RBKS: variants seen among roughly 807,000 people sequenced by gnomAD.
The protein encoded by RBKS is ribokinase.
A neutral mutation model predicts 33.9 loss-of-function variants in RBKS; 33 were observed. The ratio of observed to expected loss-of-function variants is 0.97; its 90% CI spans 0.74 to 1.30. The LOEUF is 1.30. RBKS is among the 50% of genes most tolerant of loss of function. RBKS has a pLI of 0.00. For missense variants in RBKS, 361 were observed against 392.6 expected (o/e 0.92, Z 0.68); for synonymous variants, 125 against 143.0 (o/e 0.87, Z 0.90).
chr2:27,863,174 A>G (rs1380204241), intron 1 of RBKS, among the ~76,000 whole-genome samples: 1 of 152,230 alleles, frequency 6.6e-6, no homozygotes, highest in Non-Finnish European at 1.5e-5. Context: ...ACCATGCCTA[A>G]GAAATATATT....
At chr2:27,861,667 G>T (rs1037176159) in intron 1 of RBKS, 4 of 431,780 alleles carry the variant, frequency 9.3e-6, no homozygotes, top group Non-Finnish European at 1.4e-5. Flanking sequence ...TCTTTTTGGG[G>T]GGGGGGTGGA....
In RBKS at chr2:27,781,472, T is replaced by C. The variant is rs1677281165; in HGVS notation, c.*143A>G. 1.6e-6 allele frequency: 1 copy of C among 631,052 alleles called. No homozygotes were observed. Among genetic ancestry groups the C allele is most frequent in the Non-Finnish European group, 2.7e-6 (1 of 376,782 alleles). The allele number at this position is 631,052 out of a possible 1,614,324, so 39.1% of individuals were successfully genotyped here. ...CAAAAGAATCATCGTTATAAATAAA[T>C]TGAAGCTTGAGGATGACTTCGTAAA... On this transcript the variant is annotated 3_prime_UTR_variant, in exon 8 of 8. Coordinates refer to ENST00000302188, the MANE Select transcript of RBKS (RefSeq NM_022128.3).
chr2:27,881,062 C>CAAA (rs764057381), intron 1 of RBKS, among the ~76,000 whole-genome samples: 2,065 of 151,402 alleles, frequency 0.014, 32 homozygotes, highest in African/African-American at 0.044. Context: ...AACCAACCAA[C>CAAA]CAACAAACAA....
chr2:27,883,912 AATG>A (rs1664472274), intron 1 of RBKS, among the ~76,000 whole-genome samples: 1 of 152,162 alleles, frequency 6.6e-6, no homozygotes, highest in African/African-American at 2.4e-5. Flanking sequence ...ATTTCCCATG[AATG>A]ATTACTTTTG....
chr2:27,791,237 T>C (rs1047294317), intron 7 of RBKS, among the ~76,000 whole-genome samples: 2 of 152,218 alleles, frequency 1.3e-5, no homozygotes, highest in African/African-American at 4.8e-5. Flanking sequence ...CTAGGTTGAA[T>C]GATGCCCACA....
chr2:27,804,894 G>C (rs540423826), intron 7 of RBKS, among the ~76,000 whole-genome samples: 1 of 152,164 alleles, frequency 6.6e-6, no homozygotes, highest in Admixed American at 6.5e-5. Context: ...AGGTGTGGTG[G>C]TGCACACCTG....
chr2:27,857,422 G>C (rs1462353369), intron 2 of RBKS, among the ~76,000 whole-genome samples: 2 of 152,122 alleles, frequency 1.3e-5, no homozygotes, highest in Non-Finnish European at 1.5e-5. Context: ...TCGGTAGCAT[G>C]GATAAAAATA....
At position 27,810,671 on chromosome 2, in the gene RBKS, A is replaced by C. The variant is rs12474906; in HGVS notation, c.795+16896T>G. Reference sequence around the variant, plus strand: ...AAATAACCATCTTAGTTATCGCCCCACTGCCCCCACTTTTTTTAAGGAAAT... The same window carrying C: ...AAATAACCATCTTAGTTATCGCCCCCCTGCCCCCACTTTTTTTAAGGAAAT... On this transcript the variant is annotated intron_variant, in intron 7 of 7. Transcript: ENST00000302188. The surrounding 1 kb of genome is among the most constrained non-coding windows in gnomAD (Gnocchi z 4.4). 0.32 allele frequency among the ~76,000 whole-genome samples: 48,380 copies of C among 151,782 alleles called. 9,627 individuals are homozygous for C. Among genetic ancestry groups the C allele is most frequent in the East Asian group, 0.62 (3,175 of 5,132 alleles).
intron 1 of RBKS, among the ~76,000 whole-genome samples, chr2:27,862,530 C>G (rs1489109041): frequency 6.6e-6 from 1 of 152,180 alleles, no homozygotes; most frequent in African/African-American, 2.4e-5. Flanking sequence ...GCAGGTGTCA[C>G]CTAACAGAGC....
At chr2:27,782,013 C>A (rs192432916) in intron 7 of RBKS, among the ~76,000 whole-genome samples, 330 of 152,226 alleles carry the variant, frequency 2.2e-3, no homozygotes, top group Non-Finnish European at 3.6e-3. Context: ...GAACTTCATA[C>A]TTTTTTCAGA....
intron 7 of RBKS, among the ~76,000 whole-genome samples, chr2:27,789,925 GTATATATATATATATGTATA>G (rs1677481283): frequency 7.7e-6 from 1 of 130,624 alleles, no homozygotes; most frequent in Non-Finnish European, 1.6e-5. Context: ...GTTTGTGTGT[GTATATATATATATATGTATA>G]TGTGTATATA....
At chr2:27,789,019 ATGACC>A in intron 7 of RBKS, among the ~76,000 whole-genome samples, 1 of 152,352 alleles carries the variant, frequency 6.6e-6, no homozygotes, top group Non-Finnish European at 1.5e-5. Flanking sequence ...GTAAATGGAA[ATGACC>A]TAGAATAGCC....
Position 27,847,180 on chromosome 2 carries a change from A to C in RBKS, c.287-76T>G, listed in dbSNP as rs527846655. On this transcript the variant is annotated intron_variant, in intron 3 of 7. Transcript: ENST00000302188. ...AATTTATTTTAACAATTTCAATACA[A>C]CACTAATCCTTGGAAAACCTTTTTA... The C allele has an allele frequency of 3.6e-6, 3 of 835,772 alleles. No individual in the cohort carries two copies. In the East Asian group the frequency reaches 7.3e-5, roughly 20 times the overall value. 51.8% of individuals were successfully genotyped at this position (835,772 alleles called of 1,614,324 possible). A position where few individuals can be genotyped will look rare whatever the true frequency, so the allele number is the denominator to read the frequency against.
intron 7 of RBKS, among the ~76,000 whole-genome samples, chr2:27,789,498 A>AAGC (rs1402031221): frequency 1.3e-5 from 2 of 150,588 alleles, no homozygotes; most frequent in Non-Finnish European, 2.9e-5. Flanking sequence ...TCCTGGGTTC[A>AAGC]AGCAATCCTC....
At chr2:27,877,648 C>T (rs1360269960) in intron 1 of RBKS, among the ~76,000 whole-genome samples, 1 of 152,106 alleles carries the variant, frequency 6.6e-6, no homozygotes, top group African/African-American at 2.4e-5. Context: ...AAGGACTCTA[C>T]CTTCTAGGTC....
intron 5 of RBKS, among the ~76,000 whole-genome samples, chr2:27,840,020 C>CT (rs57069432): frequency 0.011 from 1,483 of 136,660 alleles, 14 homozygotes; most frequent in African/African-American, 0.025. Context: ...CACTCTTCTT[C>CT]TTTTTTTTTT....
chr2:27,796,002 T>C (rs1050742808), intron 7 of RBKS, among the ~76,000 whole-genome samples: 1 of 152,208 alleles, frequency 6.6e-6, no homozygotes, highest in Non-Finnish European at 1.5e-5. Flanking sequence ...TCTATCATGT[T>C]CTTCTCTTCC....
intron 7 of RBKS, chr2:27,782,747 T>C (rs776045506): frequency 2.9e-6 from 1 of 347,120 alleles, no homozygotes; most frequent in East Asian, 7.7e-5. Flanking sequence ...CCTTTTTTCA[T>C]GTTGTACTCT....
intron 2 of RBKS, among the ~76,000 whole-genome samples, chr2:27,856,569 A>C (rs540364368): frequency 6.6e-6 from 1 of 152,288 alleles, no homozygotes; most frequent in African/African-American, 2.4e-5. Flanking sequence ...TCATAATCTT[A>C]GGGTTGGAAG....
Sources: allele counts gnomAD v4.1 joint callset (sites outside exome capture counted in the v4.1 genomes callset), GRCh38; gene constraint gnomAD v4.1.1; non-coding constraint Gnocchi (gnomAD v3.1); transcripts MANE v1.5; gene names NCBI Gene and HGNC (gene_info 2026-07-23, HGNC 2026-07-21).